The following ATP8A2 variants were observed in gnomAD, a reference collection of about 807,000 sequenced individuals.
ATP8A2 encodes phospholipid-transporting ATPase IB.
In ATP8A2, 100 loss-of-function variants were observed where a neutral mutation model predicts 165.6. That is an observed-to-expected ratio of 0.60 (90% CI 0.51 to 0.71). The LOEUF (loss-of-function observed/expected upper bound fraction) is 0.71. Among genes scored for constraint, ATP8A2 ranks in the 30% least tolerant of loss-of-function variants. ATP8A2 has a pLI of 0.00. For synonymous variants in ATP8A2, 543 were observed against 548.8 expected, an observed-to-expected ratio of 0.99 and a Z score of 0.15; for missense variants, 1,227 against 1,479.5, an observed-to-expected ratio of 0.83 and a Z score of 2.80.
intron 1 of ATP8A2, among the ~76,000 whole-genome samples, chr13:25,445,390 G>A (rs576041878): frequency 1.1e-4 from 17 of 152,206 alleles, no homozygotes; most frequent in Admixed American, 5.9e-4. Flanking sequence ...CGTTCTCTTC[G>A]GAAATTACTT....
chr13:25,741,865 C>T (rs2043920554), intron 25 of ATP8A2, among the ~76,000 whole-genome samples: 1 of 152,200 alleles, frequency 6.6e-6, no homozygotes, highest in South Asian at 2.1e-4. Flanking sequence ...CTTGAGATAC[C>T]TGAGCCTGAG....
At chr13:25,796,245 G>A (rs756179372) in intron 27 of ATP8A2, among the ~76,000 whole-genome samples, 5 of 152,210 alleles carry the variant, frequency 3.3e-5, no homozygotes, top group Admixed American at 2.0e-4. Context: ...CACCGCGCCC[G>A]GCCCATAACT....
chr13:25,949,826 G>T (rs967456897), intron 33 of ATP8A2, among the ~76,000 whole-genome samples: 1 of 152,082 alleles, frequency 6.6e-6, no homozygotes, highest in African/African-American at 2.4e-5. Context: ...CTGAGACAGG[G>T]TCTCGCTCTG....
chr13:25,781,289 TTATGG>T (rs1177424199), intron 27 of ATP8A2, among the ~76,000 whole-genome samples: 1 of 151,978 alleles, frequency 6.6e-6, no homozygotes, highest in Non-Finnish European at 1.5e-5. Context: ...GTGAAATGAA[TTATGG>T]TTCATGTATA....
intron 33 of ATP8A2, among the ~76,000 whole-genome samples, chr13:25,885,829 T>C (rs1386849939): frequency 6.6e-6 from 1 of 152,352 alleles, no homozygotes; most frequent in East Asian, 1.9e-4. Flanking sequence ...AATGTGTTTA[T>C]TTATCTAGAC....
At chr13:25,424,921 A>G (rs140530114) in intron 1 of ATP8A2, among the ~76,000 whole-genome samples, 30 of 152,324 alleles carry the variant, frequency 2.0e-4, no homozygotes, top group African/African-American at 7.0e-4. Flanking sequence ...TTACACCATT[A>G]CACTCCAGCC....
chr13:25,409,362 A>C (rs1593268285), intron 1 of ATP8A2, among the ~76,000 whole-genome samples: 1 of 152,376 alleles, frequency 6.6e-6, no homozygotes, highest in Middle Eastern at 3.4e-3. Flanking sequence ...AAACAAAAAG[A>C]CAAGATCCTG....
chr13:25,379,468 T>A (rs2032758593), intron 1 of ATP8A2, among the ~76,000 whole-genome samples: 3 of 152,192 alleles, frequency 2.0e-5, no homozygotes, highest in African/African-American at 7.2e-5. Flanking sequence ...TCATTCATAT[T>A]CAAAGGAGAG....
chr13:25,604,256 T>C (rs1479067075), intron 24 of ATP8A2, among the ~76,000 whole-genome samples: 1 of 152,174 alleles, frequency 6.6e-6, no homozygotes, highest in African/African-American at 2.4e-5. Context: ...TATTAAATGC[T>C]GCTAATGGGT....
chr13:25,523,920 T>C (rs1458596749), intron 2 of ATP8A2, among the ~76,000 whole-genome samples: 1 of 152,118 alleles, frequency 6.6e-6, no homozygotes, highest in Non-Finnish European at 1.5e-5. Flanking sequence ...TTTGTTCTTG[T>C]TTTTCTAATC....
At position 25,541,915 on chromosome 13, in the gene ATP8A2, T is replaced by G; in HGVS notation, c.652-4T>G. On this transcript the variant is annotated splice_polypyrimidine_tract_variant and splice_region_variant and intron_variant, in intron 8 of 36. Coordinates refer to ENST00000381655, the MANE Select transcript of ATP8A2 (RefSeq NM_016529.6). ...TGACTTCCTCTTTTGGTTTAATCTT[T>G]TAGGGTTTGAGTCACACTGCTGACA... 2.5e-6 allele frequency: 4 copies of G among 1,614,074 alleles called. No individual in the cohort carries two copies. Among genetic ancestry groups the G allele is most frequent in the Non-Finnish European group, 3.4e-6 (4 of 1,179,946 alleles).
chr13:25,685,058 T>G (rs563203631), intron 24 of ATP8A2, among the ~76,000 whole-genome samples: 1 of 152,316 alleles, frequency 6.6e-6, no homozygotes, highest in African/African-American at 2.4e-5. Context: ...ACAAATTGAC[T>G]CCTCCTGCTT....
At chr13:25,649,055 C>T (rs1307496632) in intron 24 of ATP8A2, 1 of 503,340 alleles carries the variant, frequency 2.0e-6, no homozygotes, top group South Asian at 1.4e-5. Context: ...TTGGAGATGT[C>T]ATGATTTCTT....
chr13:25,866,734 C>G (rs1338341838), intron 33 of ATP8A2, among the ~76,000 whole-genome samples: 1 of 152,192 alleles, frequency 6.6e-6, no homozygotes, highest in Admixed American at 6.5e-5. Flanking sequence ...TTCAGTAAAT[C>G]TCCAGGTGAT....
intron 24 of ATP8A2, among the ~76,000 whole-genome samples, chr13:25,658,588 G>A (rs2041984002): frequency 6.6e-6 from 1 of 152,192 alleles, no homozygotes. Flanking sequence ...GCAGTGAGCA[G>A]AGATCGCACC....
intron 1 of ATP8A2, among the ~76,000 whole-genome samples, chr13:25,386,945 C>T (rs1218756463): frequency 7.2e-6 from 1 of 138,492 alleles, no homozygotes; most frequent in African/African-American, 2.5e-5. Context: ...TGCAGTGAGC[C>T]GAGATCGCGC....
intron 13 of ATP8A2, among the ~76,000 whole-genome samples, chr13:25,555,509 CACCTTTA>C (rs2038955517): frequency 6.6e-6 from 1 of 152,168 alleles, no homozygotes; most frequent in African/African-American, 2.4e-5. Flanking sequence ...GTATCTTTTC[CACCTTTA>C]CCCCTGAACT....
intron 25 of ATP8A2, among the ~76,000 whole-genome samples, chr13:25,723,102 T>C (rs2043416455): frequency 6.6e-6 from 1 of 152,266 alleles, no homozygotes; most frequent in Non-Finnish European, 1.5e-5. Context: ...ATTTGGCTTC[T>C]TGCCAGATTT....
chr13:25,401,242 C>T (rs529496675), intron 1 of ATP8A2, among the ~76,000 whole-genome samples: 22 of 152,132 alleles, frequency 1.4e-4, no homozygotes, highest in African/African-American at 4.6e-4. Context: ...AAAGAGGATG[C>T]AAAAGCCCTT....
Sources: allele counts gnomAD v4.1 joint callset (sites outside exome capture counted in the v4.1 genomes callset), GRCh38; gene constraint gnomAD v4.1.1; transcripts MANE v1.5; gene names NCBI Gene and HGNC (gene_info 2026-07-23, HGNC 2026-07-21).